The following RUVBL1 variants were observed in gnomAD, a reference collection of about 807,000 sequenced individuals.
The protein encoded by RUVBL1 is ruvB-like 1.
A neutral mutation model predicts 52.4 loss-of-function variants in RUVBL1; 4 were observed. The ratio of observed to expected loss-of-function variants is 0.08; its 90% CI spans 0.04 to 0.17. The LOEUF is 0.17. Ranked by LOEUF, RUVBL1 falls within the 10% of genes least tolerant of loss-of-function variation. The probability of loss-of-function intolerance (pLI) is 1.00; values close to 1 mark genes in which losing one functional copy is unlikely to be tolerated. For synonymous variants in RUVBL1, 217 were observed against 214.4 expected (o/e 1.01, Z -0.10); for missense variants, 298 against 572.8 (o/e 0.52, Z 4.90).
intron 1 of RUVBL1, among the ~76,000 whole-genome samples, chr3:128,142,662 C>T (rs988195614): frequency 1.3e-5 from 2 of 152,192 alleles, no homozygotes; most frequent in East Asian, 1.9e-4. Flanking sequence ...TCCATTTTCT[C>T]GCCTTCTCCA....
At chr3:128,094,054 C>T (rs1942914215) in intron 8 of RUVBL1, among the ~76,000 whole-genome samples, 1 of 152,210 alleles carries the variant, frequency 6.6e-6, no homozygotes, top group African/African-American at 2.4e-5. Flanking sequence ...GAGGGCAATA[C>T]TCTAGGGCTG....
At chr3:128,070,467 A>G (rs1942128378) in intron 9 of RUVBL1, 2 of 152,220 alleles carry the variant, frequency 1.3e-5, no homozygotes, top group African/African-American at 4.8e-5. Flanking sequence ...TCTGCCAGTC[A>G]TCACTGGACA....
intron 1 of RUVBL1, among the ~76,000 whole-genome samples, chr3:128,132,949 A>G (rs774632409): frequency 1.3e-5 from 2 of 152,200 alleles, no homozygotes; most frequent in Non-Finnish European, 2.9e-5. Context: ...GGGTTTCCCA[A>G]TTCCAGGCCT....
chr3:128,149,955 C>A (rs1326408482), intron 1 of RUVBL1, among the ~76,000 whole-genome samples: 3 of 152,364 alleles, frequency 2.0e-5, no homozygotes, highest in Middle Eastern at 3.4e-3. Context: ...TAGCATGCAG[C>A]TTCTTCTCTT....
At chr3:128,148,806 T>A (rs1037724575) in intron 1 of RUVBL1, among the ~76,000 whole-genome samples, 1 of 152,222 alleles carries the variant, frequency 6.6e-6, no homozygotes, top group East Asian at 1.9e-4. Context: ...TGCACCCTAT[T>A]TTTTCAGTTA....
In RUVBL1 at chr3:128,153,626, C is replaced by A. The variant is rs76829052; in HGVS notation, c.-463G>T. On this transcript the variant is annotated 5_prime_UTR_variant, in exon 1 of 10. Transcript: ENST00000464873. ...TCCACCGCCGCCTTTGACAAGCAGC[C>A]GCAGAGCCGCGAGCGCGGCATCACG... The A allele has an allele frequency of 2.0e-3, 3,210 of 1,597,356 alleles. 3 individuals carry two copies. Among genetic ancestry groups the A allele is most frequent in the Non-Finnish European group, 2.5e-3 (2,933 of 1,177,580 alleles).
chr3:128,141,023 G>A (rs1218880686), intron 1 of RUVBL1, among the ~76,000 whole-genome samples: 1 of 152,046 alleles, frequency 6.6e-6, no homozygotes, highest in Non-Finnish European at 1.5e-5. Context: ...GCCTACTGTT[G>A]TTTTTATTGT....
intron 2 of RUVBL1, among the ~76,000 whole-genome samples, chr3:128,114,703 G>C (rs560750146): frequency 6.6e-6 from 1 of 152,218 alleles, no homozygotes; most frequent in African/African-American, 2.4e-5. Flanking sequence ...GTGAGCTCAA[G>C]GCTGACACCT....
intron 1 of RUVBL1, among the ~76,000 whole-genome samples, chr3:128,142,816 T>C (rs1944046279): frequency 6.6e-6 from 1 of 152,030 alleles, no homozygotes; most frequent in African/African-American, 2.4e-5. Context: ...AGTCTCACTC[T>C]GTCGCCCAGG....
In RUVBL1 at chr3:128,067,897, C is replaced by A; in HGVS notation, c.940-2677G>T. On this transcript the variant is annotated intron_variant, in intron 9 of 9. Coordinates refer to the RUVBL1 transcript ENST00000464873. The surrounding 1 kb of genome is among the most constrained non-coding windows in gnomAD (Gnocchi z 4.1). ...TGAATATTGTCAGTGCTCGAAGAGG[C>A]GATCTGTAACTGTTCAGTACCACTT... 9.7e-7 allele frequency: 1 copy of A among 1,035,650 alleles called. No individual in the cohort carries two copies. The highest frequency in any genetic ancestry group is 1.5e-6 in the Non-Finnish European group (1 of 663,732). 64.2% of individuals were successfully genotyped at this position (1,035,650 alleles called of 1,614,324 possible).
chr3:128,112,992 T>C lies in RUVBL1; in HGVS notation c.257A>G (p.Glu86Gly), dbSNP rs757279374. 6.2e-7 allele frequency: 1 copy of C among 1,614,076 alleles called. No individual in the cohort carries two copies. Among genetic ancestry groups the C allele is most frequent in the South Asian group, 1.1e-5 (1 of 91,076 alleles). Residue 86 changes from glutamate to glycine, a missense_variant, in exon 3 of 11, where the codon GAG (glutamate) becomes GGG (glycine). Transcript: ENST00000322623. ...KTALALAIAQELGSKVPFCPM... is the reference protein window; with the variant it reads ...KTALALAIAQGLGSKVPFCPM... ...GCAGAAGGGGACCTTACTACCCAGC[T>C]CCTGAGCAATAGCCAGAGCCAGAGC...
At chr3:128,123,458 T>A (rs1472667950) in intron 1 of RUVBL1, 126 bp downstream of exon 1, 2 of 1,229,722 alleles carry the variant, frequency 1.6e-6, no homozygotes, top group Non-Finnish European at 2.2e-6. Context: ...CATTTTCACT[T>A]CCCTGAGGAA....
chr3:128,077,716 C>G (rs544711283), downstream of RUVBL1, among the ~76,000 whole-genome samples: 5 of 152,364 alleles, frequency 3.3e-5, no homozygotes, highest in African/African-American at 1.2e-4. Context: ...GTGCTGGCCC[C>G]TCTGGGCTAC....
At chr3:128,104,979 T>G in intron 3 of RUVBL1, 55 bp from the exon 4 acceptor site, 1 of 1,556,200 alleles carries the variant, frequency 6.4e-7, no homozygotes. Flanking sequence ...TCTCTCACAC[T>G]GAGAGCCCAA....
chr3:128,116,444 G>A (rs1483919977), intron 2 of RUVBL1, among the ~76,000 whole-genome samples: 2 of 150,268 alleles, frequency 1.3e-5, no homozygotes, highest in South Asian at 2.1e-4. Context: ...CAGGAGAATC[G>A]TTTGAACCTG....
intron 1 of RUVBL1, among the ~76,000 whole-genome samples, chr3:128,143,112 T>C (rs1944053247): frequency 6.6e-6 from 1 of 151,058 alleles, no homozygotes; most frequent in Admixed American, 6.6e-5. Flanking sequence ...GGTCCCTTCA[T>C]GATTACACCA....
At chr3:128,113,783 A>G (rs1943453265) in intron 2 of RUVBL1, among the ~76,000 whole-genome samples, 1 of 152,208 alleles carries the variant, frequency 6.6e-6, no homozygotes, top group South Asian at 2.1e-4. Flanking sequence ...ATATCAATAT[A>G]TGGCTCTGAC....
At chr3:128,121,710 CAAAAAA>C (rs558813738) in intron 1 of RUVBL1, among the ~76,000 whole-genome samples, 2 of 108,814 alleles carry the variant, frequency 1.8e-5, no homozygotes, top group African/African-American at 3.4e-5. Flanking sequence ...AACTTCGTCT[CAAAAAA>C]AAAAAAAAAA....
In RUVBL1 at chr3:128,101,642, G is replaced by C. The variant is rs766119829; in HGVS notation, c.520C>G (p.Pro174Ala). The C allele has an allele frequency of 1.2e-6, 2 of 1,613,548 alleles. No homozygotes were observed. ...TTCTGCAAACTTTCAAAAATGCTGG[G>C]GTCCAGCTAAAAAAAAAAATGTAAA... Reference protein sequence around the residue: ...AKGTKQLKLDPSIFESLQKER... With the variant: ...AKGTKQLKLDASIFESLQKER... The change falls in exon 5 of 11, where the codon CCC becomes GCC. Residue 174 changes from proline (P) to alanine (A), a missense_variant. By Grantham distance (27) the Pro-to-Ala change is conservative. Transcript: ENST00000322623.
Sources: gnomAD v4.1 joint callset for allele counts (sites outside exome capture counted in the v4.1 genomes callset) on GRCh38, gnomAD v4.1.1 for gene constraint, Gnocchi (gnomAD v3.1) non-coding constraint, MANE v1.5 for transcripts, NCBI Gene and HGNC (gene_info 2026-07-23, HGNC 2026-07-21) for gene names.